ANKRD17: variants seen among roughly 807,000 people sequenced by gnomAD.
ANKRD17 encodes the protein ankyrin repeat domain-containing protein 17.
ANKRD17 carries 19 observed loss-of-function variants against 229.7 expected under a neutral mutation model. That is an observed-to-expected ratio of 0.08 (90% CI 0.06 to 0.12). ANKRD17 has a LOEUF of 0.12. ANKRD17 is among the 10% of genes least tolerant of loss of function. The pLI, the probability that ANKRD17 is intolerant of heterozygous loss-of-function variation, is 1.00. For synonymous variants in ANKRD17, 1,112 were observed against 1,146.1 expected, an observed-to-expected ratio of 0.97 and a Z score of 0.60; for missense variants, 2,176 against 3,176.8, an observed-to-expected ratio of 0.68 and a Z score of 7.57.
chr4:73,121,570 A>G (rs1726727853), intron 19 of ANKRD17, 47 bp downstream of exon 19: 2 of 1,606,682 alleles, frequency 1.2e-6, no homozygotes, highest in Admixed American at 3.3e-5. Context: ...AAATATCTAT[A>G]ACAGTCTTAC....
chr4:73,101,971 C>A (rs1724060810), intron 25 of ANKRD17, among the ~76,000 whole-genome samples: 2 of 151,924 alleles, frequency 1.3e-5, no homozygotes, highest in African/African-American at 4.8e-5. Context: ...TGCTCTGTCA[C>A]CCAGGCTGGA....
intron 14 of ANKRD17, among the ~76,000 whole-genome samples, chr4:73,141,068 A>G (rs1729539203): frequency 6.6e-6 from 1 of 152,234 alleles, no homozygotes; most frequent in Admixed American, 6.5e-5. Flanking sequence ...AGCTGGTGAA[A>G]ATACTTAGCA....
At chr4:73,195,074 T>C (rs1445164879) in intron 1 of ANKRD17, among the ~76,000 whole-genome samples, 1 of 152,208 alleles carries the variant, frequency 6.6e-6, no homozygotes, top group East Asian at 1.9e-4. Flanking sequence ...TTTTTTGTTA[T>C]CAGTGGATGA....
chr4:73,217,599 C>T (rs1242896087), intron 1 of ANKRD17, among the ~76,000 whole-genome samples: 2 of 151,888 alleles, frequency 1.3e-5, no homozygotes, highest in Non-Finnish European at 2.9e-5. Flanking sequence ...TGGGCTCAAG[C>T]GATCCTCTTG....
At chr4:73,222,206 A>G (rs941988174) in intron 1 of ANKRD17, among the ~76,000 whole-genome samples, 1 of 152,192 alleles carries the variant, frequency 6.6e-6, no homozygotes, top group African/African-American at 2.4e-5. Flanking sequence ...ACCTATACCT[A>G]TAAATACAAA....
chr4:73,208,301 C>T (rs187090809), intron 1 of ANKRD17, among the ~76,000 whole-genome samples: 1 of 149,918 alleles, frequency 6.7e-6, no homozygotes, highest in East Asian at 2.0e-4. Flanking sequence ...CCATAAAAAA[C>T]TCATTCAACA....
At chr4:73,102,604 T>C (rs963503795) in intron 24 of ANKRD17, 57 bp from the exon 25 acceptor site, 9 of 1,551,810 alleles carry the variant, frequency 5.8e-6, no homozygotes, top group African/African-American at 1.4e-5. Context: ...GGAGAAGAAG[T>C]TGTCACATAA....
At chr4:73,087,665 G>A (rs1722335628) in intron 29 of ANKRD17, among the ~76,000 whole-genome samples, 1 of 152,088 alleles carries the variant, frequency 6.6e-6, no homozygotes, top group African/African-American at 2.4e-5. Flanking sequence ...AATATATTTG[G>A]GAAAATGGCA....
chr4:73,191,388 T>C (rs1306727246), intron 1 of ANKRD17, among the ~76,000 whole-genome samples: 1 of 150,376 alleles, frequency 6.6e-6, no homozygotes, highest in African/African-American at 2.4e-5. Context: ...TGTGTGTGTA[T>C]CTCCAGATGT....
At chr4:73,128,016 AG>A (rs1418249197) in intron 16 of ANKRD17, among the ~76,000 whole-genome samples, 1 of 152,246 alleles carries the variant, frequency 6.6e-6, no homozygotes, top group African/African-American at 2.4e-5. Flanking sequence ...TGCAGAGATC[AG>A]GGATGGCCAC....
Position 73,258,748 on chromosome 4 carries a change from G to A in ANKRD17, c.-80C>T, listed in dbSNP as rs1745729426. The A allele has an allele frequency of 2.2e-6, 3 of 1,373,904 alleles. No homozygotes were observed. Among genetic ancestry groups the A allele is most frequent in the Admixed American group, 3.7e-5 (1 of 26,766 alleles). 85.1% of individuals were successfully genotyped at this position (1,373,904 alleles called of 1,614,324 possible). A position where few individuals can be genotyped will look rare whatever the true frequency, so the allele number is the denominator to read the frequency against. On this transcript the variant is annotated 5_prime_UTR_variant, in exon 1 of 34. Coordinates refer to ENST00000358602, the MANE Select transcript of ANKRD17 (RefSeq NM_032217.5). ...CCGCGACTTCGGCCGCACTGGGGCC[G>A]ACACAGCAATCGGTGCCGCCTCCGC... is the stretch of plus-strand genomic sequence containing the variant.
At chr4:73,089,045 A>ATT (rs200390909) in intron 29 of ANKRD17, among the ~76,000 whole-genome samples, 14 of 143,656 alleles carry the variant, frequency 9.7e-5, no homozygotes, top group South Asian at 4.5e-4. Context: ...TTCTTTTTAA[A>ATT]TTTTTTTTTT....
At chr4:73,124,009 A>G (rs1333245584) in intron 18 of ANKRD17, among the ~76,000 whole-genome samples, 1 of 151,934 alleles carries the variant, frequency 6.6e-6, no homozygotes, top group Non-Finnish European at 1.5e-5. Flanking sequence ...AGGTGACTTC[A>G]GGAAAAAAAA....
At chr4:73,088,248 G>C (rs756665308) in intron 29 of ANKRD17, among the ~76,000 whole-genome samples, 147 of 152,100 alleles carry the variant, frequency 9.7e-4, no homozygotes, top group Non-Finnish European at 1.7e-3. Flanking sequence ...AAGAAGTAGA[G>C]AGAAGTGAAA....
intron 1 of ANKRD17, among the ~76,000 whole-genome samples, chr4:73,183,008 G>A (rs901347775): frequency 2.0e-5 from 3 of 152,176 alleles, no homozygotes; most frequent in Admixed American, 6.5e-5. Flanking sequence ...GAAGGAGAAA[G>A]AGGTTGAGAA....
Position 73,258,704 on chromosome 4 carries a change from G to A in ANKRD17, c.-36C>T, listed in dbSNP as rs1230554175. The A allele has an allele frequency of 7.0e-7, 1 of 1,426,104 alleles. No homozygotes were observed. The highest frequency in any genetic ancestry group is 2.9e-5 in the East Asian group (1 of 34,868). 88.3% of individuals were successfully genotyped at this position (1,426,104 alleles called of 1,614,324 possible). ...AGAGGGAGGGCGCGGACGGGGGAGG[G>A]GCGTGGGGCTACGCTCTACCGCGAC... On this transcript the variant is annotated 5_prime_UTR_variant, in exon 1 of 34. Transcript: ENST00000358602.
At chr4:73,255,785 G>A (rs1745399227) in intron 1 of ANKRD17, among the ~76,000 whole-genome samples, 1 of 151,710 alleles carries the variant, frequency 6.6e-6, no homozygotes, top group East Asian at 1.9e-4. Context: ...CTGCAATGGT[G>A]CAATCTCAGC....
chr4:73,173,564 A>G (rs2148975233), intron 2 of ANKRD17, among the ~76,000 whole-genome samples: 2 of 152,314 alleles, frequency 1.3e-5, no homozygotes, highest in Middle Eastern at 6.8e-3. Flanking sequence ...AACCAAAATA[A>G]TTCACAGATT....
intron 1 of ANKRD17, among the ~76,000 whole-genome samples, chr4:73,237,758 A>T (rs1413302016): frequency 6.6e-6 from 1 of 152,206 alleles, no homozygotes. Flanking sequence ...AGGACTTAAG[A>T]GTCAGAAAAG....
Sources: allele counts gnomAD v4.1 joint callset (sites outside exome capture counted in the v4.1 genomes callset), GRCh38; gene constraint gnomAD v4.1.1; transcripts MANE v1.5; gene names NCBI Gene and HGNC (gene_info 2026-07-23, HGNC 2026-07-21).